Variants in SCAPER observed in about 807,000 individuals in gnomAD.
SCAPER encodes the protein S phase cyclin A-associated protein in the endoplasmic reticulum.
In SCAPER, 98 loss-of-function variants were observed where a neutral mutation model predicts 182.2. The observed-to-expected ratio is 0.54, with a 90% CI of 0.46 to 0.64. The LOEUF (loss-of-function observed/expected upper bound fraction) is 0.64, where lower values mean the gene tolerates loss of function less well. Among genes scored for constraint, SCAPER ranks in the 30% least tolerant of loss-of-function variants. SCAPER has a pLI of 0.00. For missense variants in SCAPER, 1,432 were observed against 1,690.0 expected, an observed-to-expected ratio of 0.85 and a Z score of 2.68; for synonymous variants, 605 against 564.6, an observed-to-expected ratio of 1.07 and a Z score of -1.01.
intron 17 of SCAPER, among the ~76,000 whole-genome samples, chr15:76,713,572 T>C (rs535735697): frequency 6.6e-6 from 1 of 150,386 alleles, no homozygotes; most frequent in African/African-American, 2.5e-5. Context: ...AGGTGGGAAA[T>C]GAACAATGAG....
intron 24 of SCAPER, among the ~76,000 whole-genome samples, chr15:76,473,727 G>C (rs1267386984): frequency 6.6e-6 from 1 of 152,144 alleles, no homozygotes; most frequent in African/African-American, 2.4e-5. Flanking sequence ...ATTCAAGTTA[G>C]AGAACCACTG....
chr15:76,393,385 C>G (rs745645442), intron 27 of SCAPER, among the ~76,000 whole-genome samples: 42 of 152,198 alleles, frequency 2.8e-4, no homozygotes, highest in African/African-American at 1.0e-3. Flanking sequence ...CTGTTACATT[C>G]ACTTCATTGC....
intron 21 of SCAPER, among the ~76,000 whole-genome samples, chr15:76,643,903 G>A (rs2054318338): frequency 6.6e-6 from 1 of 152,072 alleles, no homozygotes; most frequent in Non-Finnish European, 1.5e-5. Context: ...ATAGGCTGAA[G>A]GACCACGAAT....
At chr15:76,497,937 G>C (rs1010681843) in intron 24 of SCAPER, among the ~76,000 whole-genome samples, 11 of 134,354 alleles carry the variant, frequency 8.2e-5, no homozygotes, top group Admixed American at 1.8e-4. Flanking sequence ...GTTGCAGTGA[G>C]CCGAGATTGT....
Position 76,705,978 on chromosome 15 carries a change from C to T in SCAPER, c.2172G>A (p.Arg724=), listed in dbSNP as rs1413392601. 3.2e-6 allele frequency: 5 copies of T among 1,550,568 alleles called. No individual in the cohort carries two copies. The South Asian group carries it at 4.8e-5, about 15-fold the overall frequency. Residue 724 remains arginine (R), a synonymous_variant, in exon 18 of 32, where the codon AGG becomes AGA. Coordinates refer to ENST00000563290, the MANE Select transcript of SCAPER (RefSeq NM_020843.4). ...CTGTGAGTGCTGCCAATCGTTCTTCCCTGTCTCTGTAAGAAGACAGTAAAA... is the reference window on the plus strand; with the variant it reads ...CTGTGAGTGCTGCCAATCGTTCTTCTCTGTCTCTGTAAGAAGACAGTAAAA... ...EDAARERARD[R]EERLAALTAA...
At chr15:76,432,667 G>A (rs1301086274) in intron 26 of SCAPER, among the ~76,000 whole-genome samples, 1 of 152,314 alleles carries the variant, frequency 6.6e-6, no homozygotes, top group African/African-American at 2.4e-5. Flanking sequence ...GGGTAAATGA[G>A]TTCAGATGCC....
chr15:76,521,376 C>A, intron 23 of SCAPER, among the ~76,000 whole-genome samples: 1 of 108,106 alleles, frequency 9.3e-6, no homozygotes, highest in Non-Finnish European at 1.9e-5. Context: ...CTTTAGAAGA[C>A]CAAATCTAAG....
intron 2 of SCAPER, among the ~76,000 whole-genome samples, chr15:76,882,291 C>A (rs1225549347): frequency 6.6e-6 from 1 of 151,806 alleles, no homozygotes; most frequent in Non-Finnish European, 1.5e-5. Flanking sequence ...ACTTAGGAGG[C>A]TGAGGTGGGA....
In SCAPER at chr15:76,471,482, G is replaced by C. The variant is rs78674818; in HGVS notation, c.2955-147C>G. 1,824 of 831,106 alleles carry C rather than the reference G, an allele frequency of 2.2e-3. 27 individuals are homozygous for C. In the African/African-American group the frequency reaches 0.029, roughly 13 times the overall value. 51.5% of individuals were successfully genotyped at this position (831,106 alleles called of 1,614,324 possible). ...CAAGCCAAATACTATTAGGTACAAG[G>C]CCCATCAGCTAGATATAAAAGCTTA... is the stretch of plus-strand genomic sequence containing the variant. On this transcript the variant is annotated intron_variant, in intron 24 of 31. Coordinates refer to ENST00000563290, the MANE Select transcript of SCAPER (RefSeq NM_020843.4).
intron 5 of SCAPER, among the ~76,000 whole-genome samples, chr15:76,822,871 T>C (rs766477572): frequency 9.2e-5 from 14 of 152,208 alleles, no homozygotes; most frequent in Non-Finnish European, 1.3e-4. Context: ...GTGTATGTAT[T>C]ACTACAACAG....
At chr15:76,387,315 A>G (rs748007001) in intron 27 of SCAPER, among the ~76,000 whole-genome samples, 8 of 152,202 alleles carry the variant, frequency 5.3e-5, no homozygotes, top group Non-Finnish European at 1.2e-4. Context: ...CACAGTGGAG[A>G]CAGTGGATTG....
At chr15:76,423,319 G>C (rs1050377901) in intron 26 of SCAPER, among the ~76,000 whole-genome samples, 3 of 152,178 alleles carry the variant, frequency 2.0e-5, no homozygotes, top group African/African-American at 7.2e-5. Context: ...TCTATTCAGA[G>C]ATTCAACTTC....
intron 5 of SCAPER, among the ~76,000 whole-genome samples, chr15:76,832,845 G>A (rs1364981681): frequency 6.6e-6 from 1 of 152,164 alleles, no homozygotes; most frequent in Non-Finnish European, 1.5e-5. Context: ...GGCCTCCCCA[G>A]AAACAGATGC....
chr15:76,546,895 T>C (rs934070662), intron 23 of SCAPER, among the ~76,000 whole-genome samples: 2 of 152,166 alleles, frequency 1.3e-5, no homozygotes, highest in South Asian at 4.1e-4. Context: ...TGTTCAATGG[T>C]ATTCTATTCT....
chr15:76,500,948 C>T (rs1288010806), intron 24 of SCAPER, among the ~76,000 whole-genome samples: 1 of 151,484 alleles, frequency 6.6e-6, no homozygotes, highest in Non-Finnish European at 1.5e-5. Flanking sequence ...GAGGCTGAGG[C>T]ACGTGAATCG....
chr15:76,809,368 G>A (rs2066422235), intron 5 of SCAPER, among the ~76,000 whole-genome samples: 1 of 152,094 alleles, frequency 6.6e-6, no homozygotes, highest in Non-Finnish European at 1.5e-5. Context: ...AGGTCAGAAG[G>A]AGTAATGCAT....
At chr15:76,810,915 A>T (rs190887212) in intron 5 of SCAPER, among the ~76,000 whole-genome samples, 1 of 152,222 alleles carries the variant, frequency 6.6e-6, no homozygotes, top group Admixed American at 6.5e-5. Flanking sequence ...GTAAGGAAAA[A>T]ACTGTCTCCA....
intron 22 of SCAPER, among the ~76,000 whole-genome samples, chr15:76,606,278 A>G (rs937673394): frequency 6.6e-5 from 10 of 152,088 alleles, no homozygotes; most frequent in African/African-American, 2.4e-4. Flanking sequence ...TTCATTATTT[A>G]CCCAGTAGTC....
At chr15:76,473,178 T>G (rs976887389) in intron 24 of SCAPER, among the ~76,000 whole-genome samples, 13 of 152,368 alleles carry the variant, frequency 8.5e-5, no homozygotes, top group Non-Finnish European at 1.9e-4. Context: ...ACCCTCACTC[T>G]AAACTCTCCC....
Sources: allele counts gnomAD v4.1 joint callset (sites outside exome capture counted in the v4.1 genomes callset), GRCh38; gene constraint gnomAD v4.1.1; transcripts MANE v1.5; gene names NCBI Gene and HGNC (gene_info 2026-07-23, HGNC 2026-07-21).